The following CREB1 variants were observed in gnomAD, a reference collection of about 807,000 sequenced individuals.
The protein encoded by CREB1 is cAMP responsive element binding protein 1.
In CREB1, 2 loss-of-function variants were observed where a neutral mutation model predicts 42.0. That is an observed-to-expected ratio of 0.05 (90% CI 0.02 to 0.15). The LOEUF is 0.15. Among genes scored for constraint, CREB1 ranks in the 10% least tolerant of loss-of-function variants. CREB1 has a pLI of 1.00. For missense variants in CREB1, 199 were observed against 388.9 expected, an observed-to-expected ratio of 0.51 and a Z score of 4.11; for synonymous variants, 123 against 139.9, an observed-to-expected ratio of 0.88 and a Z score of 0.85.
At position 207,602,727 on chromosome 2, in the gene CREB1, A is replaced by G. The variant is rs1191956960; in HGVS notation, c.*5669A>G. 9.5e-6 allele frequency: 2 copies of G among 210,974 alleles called. No homozygotes were observed. Among genetic ancestry groups the G allele is most frequent in the African/African-American group, 2.3e-5 (1 of 44,120 alleles). 13.1% of individuals were successfully genotyped at this position (210,974 alleles called of 1,614,324 possible). ...GTATTTTTATCCAAGTGCCACTCCA[A>G]TTTGTGTATGTAATAAAATTATTTA... On this transcript the variant is annotated 3_prime_UTR_variant, in exon 8 of 8. Transcript: ENST00000353267.
rs2087394710 is a variant in CREB1 at position 207,603,164 on chromosome 2, A to T, written c.*6106A>T. 9.4e-6 allele frequency: 2 copies of T among 211,676 alleles called. No homozygotes were observed. The highest frequency in any genetic ancestry group is 1.9e-5 in the Non-Finnish European group (2 of 104,526). 13.1% of individuals were successfully genotyped at this position (211,676 alleles called of 1,614,324 possible). On this transcript the variant is annotated 3_prime_UTR_variant, in exon 8 of 8. Coordinates refer to ENST00000353267, the MANE Select transcript of CREB1 (RefSeq NM_004379.5). Reference sequence around the variant, plus strand: ...ACATTCTAGAAACATCCCTGTTTTAATTTTTTTATCTAAATCTTTTTGTGC... The same window carrying T: ...ACATTCTAGAAACATCCCTGTTTTATTTTTTTTATCTAAATCTTTTTGTGC...
chr2:207,592,159 A>T (rs971490710), intron 7 of CREB1, among the ~76,000 whole-genome samples: 2 of 152,132 alleles, frequency 1.3e-5, no homozygotes, highest in Non-Finnish European at 2.9e-5. Context: ...GACTTTAAAG[A>T]TGTCACTTAA....
intron 1 of CREB1, among the ~76,000 whole-genome samples, chr2:207,543,805 A>G (rs547765065): frequency 6.6e-6 from 1 of 152,190 alleles, no homozygotes; most frequent in Admixed American, 6.5e-5. Context: ...GGGTTTCACC[A>G]TGTTGGTCAG....
intron 2 of CREB1, chr2:207,559,290 T>G (rs2081862883): frequency 1.0e-6 from 1 of 980,546 alleles, no homozygotes; most frequent in East Asian, 1.1e-4. Flanking sequence ...TTTTTTCTTT[T>G]GTTTTAAATT....
chr2:207,539,207 ATT>A (rs528614868), intron 1 of CREB1, among the ~76,000 whole-genome samples: 21 of 132,868 alleles, frequency 1.6e-4, no homozygotes, highest in Non-Finnish European at 1.6e-4. Flanking sequence ...TACCTGGCTA[ATT>A]TTTTTTTTTT....
chr2:207,557,706 A>G (rs1465728214), intron 2 of CREB1, among the ~76,000 whole-genome samples: 1 of 152,220 alleles, frequency 6.6e-6, no homozygotes, highest in Non-Finnish European at 1.5e-5. Context: ...GTGCCTTAAC[A>G]TCTAGAAGAT....
chr2:207,575,936 C>CA (rs1482721023), intron 6 of CREB1, among the ~76,000 whole-genome samples: 2 of 19,658 alleles, frequency 1.0e-4, no homozygotes, highest in Non-Finnish European at 2.4e-4. Flanking sequence ...TCTCTGCTTC[C>CA]CCCCCCCCCC....
chr2:207,561,876 C>G (rs2081970728), intron 3 of CREB1, among the ~76,000 whole-genome samples: 1 of 152,162 alleles, frequency 6.6e-6, no homozygotes, highest in African/African-American at 2.4e-5. Flanking sequence ...CTTCTATTAA[C>G]CACCTCTACT....
rs1458693776 is a variant in CREB1, at chr2:207,534,927, C to G, written c.-9+4793C>G. ...ATACTAGGTATACGCTCTCCTATAT[C>G]ATGCTTTACCCCCACCACTTAATAT... On this transcript the variant is annotated intron_variant, in intron 1 of 7. Transcript: ENST00000353267. Among the ~76,000 whole-genome samples the G allele has an allele frequency of 2.6e-5, 4 of 152,142 alleles. No individual in the cohort carries two copies. The East Asian group carries it at 7.7e-4, about 29-fold the overall frequency.
intron 1 of CREB1, among the ~76,000 whole-genome samples, chr2:207,538,470 A>G (rs1366256544): frequency 1.3e-5 from 2 of 151,860 alleles, no homozygotes; most frequent in African/African-American, 4.9e-5. Flanking sequence ...AGTTGAAATA[A>G]GGTGATAAAG....
At position 207,602,508 on chromosome 2, in the gene CREB1, C is replaced by G. The variant is rs968656282; in HGVS notation, c.*5450C>G. 4.8e-6 allele frequency: 1 copy of G among 207,370 alleles called. No individual in the cohort carries two copies. Among genetic ancestry groups the G allele is most frequent in the African/African-American group, 2.3e-5 (1 of 43,844 alleles). The allele number at this position is 207,370 out of a possible 1,614,324, so 12.8% of individuals were successfully genotyped here. ...ACATTACTTGCCTATAGAAGTATGG[C>G]ATTTCCAAGCTTTTGTCTGAGGAGC... On this transcript the variant is annotated 3_prime_UTR_variant, in exon 8 of 8. Coordinates refer to ENST00000353267, the MANE Select transcript of CREB1 (RefSeq NM_004379.5).
intron 3 of CREB1, chr2:207,561,018 G>A: frequency 9.8e-7 from 1 of 1,025,506 alleles, no homozygotes; most frequent in African/African-American, 1.6e-5. Flanking sequence ...ACCGAGAGCA[G>A]TATAGATCAT....
chr2:207,575,336 G>A lies in CREB1; in HGVS notation c.570G>A (p.Leu190=). 6.2e-7 allele frequency: 1 copy of A among 1,614,130 alleles called. No individual in the cohort carries two copies. Among genetic ancestry groups the A allele is most frequent in the Non-Finnish European group, 8.5e-7 (1 of 1,180,010 alleles). Residue 190 remains leucine, a synonymous_variant, in exon 6 of 8, where the codon CTG becomes CTA. Transcript: ENST00000353267. The stretch of plus-strand genomic sequence containing the variant: ...ATGGTACCGATGGGGTACAGGGCCT[G>A]CAAACATTAACCATGACCAATGCAG... ...ANNGTDGVQG[L]QTLTMTNAAA...
chr2:207,541,961 T>C (rs893440890), intron 1 of CREB1, among the ~76,000 whole-genome samples: 1 of 152,232 alleles, frequency 6.6e-6, no homozygotes, highest in Non-Finnish European at 1.5e-5. Flanking sequence ...ATAATGTCCA[T>C]TGTGATGAGC....
intron 1 of CREB1, among the ~76,000 whole-genome samples, chr2:207,546,081 C>G (rs1241548168): frequency 6.6e-6 from 1 of 152,138 alleles, no homozygotes; most frequent in African/African-American, 2.4e-5. Context: ...TTGTCCAAAG[C>G]TTAAAAGGAA....
rs1368830298 is a variant in CREB1, at chr2:207,539,066, A to G, written c.-9+8932A>G. Among the ~76,000 whole-genome samples the G allele has an allele frequency of 2.1e-5, 3 of 142,694 alleles. No individual in the cohort carries two copies. The South Asian group carries it at 6.7e-4, about 32-fold the overall frequency. The allele number at this position is 142,694 out of a possible 152,430, so 93.6% of individuals were successfully genotyped here. ...ACTCTTTTTTTTTTTTTTTGAGAGG[A>G]ATCTCGCTCTGTCTCCCAGCCTGGA... On this transcript the variant is annotated intron_variant, in intron 1 of 7. Transcript: ENST00000353267.
Position 207,555,676 on chromosome 2 carries a change from A to G in CREB1, c.41A>G (p.Asp14Gly), listed in dbSNP as rs766571257. 1.9e-6 allele frequency: 3 copies of G among 1,613,668 alleles called. No individual in the cohort carries two copies. The highest frequency in any genetic ancestry group is 2.2e-5 in the South Asian group (2 of 90,996). The change falls in exon 2 of 8, where the codon GAT becomes GGT. Residue 14 changes from aspartate (D) to glycine (G), a missense_variant. By Grantham distance (94) the Asp-to-Gly change is moderately conservative. Around this residue, in one of 4 missense-constraint regions of CREB1, gnomAD observed 53 missense variants for 57.1 expected, o/e 0.93. Transcript: ENST00000353267. ...ESGAENQQSG[D>G]AAVTEAENQQ... ...GGAGCCGAGAACCAGCAGAGTGGAG[A>G]TGCAGCTGTAACAGAAGCTGAAAAC...
chr2:207,558,854 G>T (rs531388665), intron 2 of CREB1, among the ~76,000 whole-genome samples: 2 of 152,108 alleles, frequency 1.3e-5, no homozygotes, highest in African/African-American at 4.8e-5. Context: ...TGTTGGCCAG[G>T]CTGGTCTCGA....
intron 1 of CREB1, among the ~76,000 whole-genome samples, chr2:207,555,126 T>C (rs116010596): frequency 0.012 from 1,817 of 152,280 alleles, 33 homozygotes; most frequent in African/African-American, 0.041. Flanking sequence ...CCACTAGTAA[T>C]CACTTTTAGA....
Sources: allele counts gnomAD v4.1 joint callset (sites outside exome capture counted in the v4.1 genomes callset), GRCh38; gene constraint gnomAD v4.1.1; regional missense constraint gnomAD v4.1.1; transcripts MANE v1.5; gene names NCBI Gene and HGNC (gene_info 2026-07-23, HGNC 2026-07-21).